SLC44A3: variants seen among roughly 807,000 people sequenced by gnomAD.
SLC44A3 encodes solute carrier family 44 member 3.
Under a neutral mutation model 75.4 loss-of-function variants are expected in SLC44A3, and 74 were observed. The ratio of observed to expected loss-of-function variants is 0.98; its 90% CI spans 0.81 to 1.19. SLC44A3 has a LOEUF of 1.19. Among genes scored for constraint, SLC44A3 ranks in the 50% most tolerant of loss-of-function variants. SLC44A3 has a pLI of 0.00. For missense variants in SLC44A3, 700 were observed against 778.6 expected, an observed-to-expected ratio of 0.90 and a Z score of 1.20; for synonymous variants, 310 against 296.9, an observed-to-expected ratio of 1.04 and a Z score of -0.45.
intron 12 of SLC44A3, among the ~76,000 whole-genome samples, chr1:94,875,641 T>C (rs1309152315): frequency 9.4e-6 from 1 of 106,140 alleles, no homozygotes; most frequent in Non-Finnish European, 2.1e-5. Context: ...GAGGAGGCCA[T>C]GCTCATGGAG....
chr1:94,874,246 G>A (rs1258541641), intron 12 of SLC44A3, among the ~76,000 whole-genome samples: 1 of 152,226 alleles, frequency 6.6e-6, no homozygotes, highest in East Asian at 1.9e-4. Context: ...GAATCCTCAT[G>A]TTTCCTGGTG....
chr1:94,863,031 C>G (rs1389347088), intron 10 of SLC44A3, among the ~76,000 whole-genome samples: 3 of 152,078 alleles, frequency 2.0e-5, no homozygotes, highest in Non-Finnish European at 4.4e-5. Flanking sequence ...GAGTCTGAGA[C>G]TAGGTGGGGG....
At chr1:94,825,890 A>G (rs1439004457) in intron 3 of SLC44A3, 2 of 456,258 alleles carry the variant, frequency 4.4e-6, no homozygotes, top group South Asian at 1.5e-5. Flanking sequence ...ATGTGCTCCC[A>G]TTTCACATTG....
chr1:94,881,721 A>T (rs967013047), intron 12 of SLC44A3, among the ~76,000 whole-genome samples: 2 of 148,142 alleles, frequency 1.4e-5, no homozygotes, highest in African/African-American at 5.0e-5. Flanking sequence ...AAAAAGAACC[A>T]ATATTCTGCC....
chr1:94,867,232 A>G (rs970660115), intron 11 of SLC44A3, 99 bp from the exon 12 acceptor site: 3 of 943,888 alleles, frequency 3.2e-6, no homozygotes, highest in South Asian at 1.9e-5. Flanking sequence ...GTGTTTCCCC[A>G]GGTGCATAAG....
intron 12 of SLC44A3, among the ~76,000 whole-genome samples, chr1:94,884,962 C>T (rs1290064776): frequency 1.3e-5 from 2 of 152,054 alleles, no homozygotes. Context: ...GAGAATAATA[C>T]CGGCCAGGCG....
chr1:94,857,259 G>C (rs1280447906), intron 9 of SLC44A3, 76 bp from the exon 10 acceptor site: 3 of 1,424,180 alleles, frequency 2.1e-6, no homozygotes, highest in African/African-American at 2.9e-5. Flanking sequence ...CAAGCATAAA[G>C]AAACATGGCT....
chr1:94,868,168 T>C (rs1384251326), intron 12 of SLC44A3, among the ~76,000 whole-genome samples: 1 of 152,216 alleles, frequency 6.6e-6, no homozygotes, highest in Non-Finnish European at 1.5e-5. Context: ...TATTTCTCTA[T>C]AGAGCATTTA....
Position 94,850,147 on chromosome 1 carries a change from A to C in SLC44A3, c.1072+4683A>C, listed in dbSNP as rs535162194. On this transcript the variant is annotated intron_variant, in intron 9 of 14. Coordinates refer to ENST00000271227, the MANE Select transcript of SLC44A3 (RefSeq NM_001114106.3). ...GCCCAGATGGGCTATTTTTCTAATG[A>C]CTGTTAATCATTCTTTTGACTAGTT... 2.6e-5 allele frequency among the ~76,000 whole-genome samples: 4 copies of C among 152,134 alleles called. No homozygotes were observed. The East Asian group carries it at 7.7e-4, about 29-fold the overall frequency.
chr1:94,857,470 C>G lies in SLC44A3; in HGVS notation c.1208C>G (p.Ala403Gly), dbSNP rs1168816769. ...CTTGCGTGCCAGCAAATGACTATAG[C>G]TGGGGCAGTGGTTACTTGTTATTTC... ...FILACQQMTI[A>G]GAVVTCYFNR... is the part of the protein sequence containing the mutation. The change falls in exon 10 of 15, where the codon GCT becomes GGT. Residue 403 changes from alanine (A) to glycine (G), a missense_variant. Physicochemically the swap from Ala to Gly is moderately conservative, Grantham distance 60 (BLOSUM62 0). Coordinates refer to ENST00000271227, the MANE Select transcript of SLC44A3 (RefSeq NM_001114106.3). 6.2e-7 allele frequency: 1 copy of G among 1,613,028 alleles called. No individual in the cohort carries two copies. Among genetic ancestry groups the G allele is most frequent in the Admixed American group, 1.7e-5 (1 of 59,714 alleles).
rs142212599 is a variant in SLC44A3, at chr1:94,882,258, C to T, written c.1483-8872C>T. ...GACAGCACTACTATGTGGTCATCCT[C>T]GTGGCTCCAAAAGCTGTGGCCCACT... On this transcript the variant is annotated intron_variant, in intron 12 of 14. Coordinates refer to ENST00000271227, the MANE Select transcript of SLC44A3 (RefSeq NM_001114106.3). Among the ~76,000 whole-genome samples, 39 of 152,286 alleles carry T rather than the reference C, an allele frequency of 2.6e-4. No individual in the cohort carries two copies. The South Asian group carries it at 2.9e-3, about 11-fold the overall frequency.
At chr1:94,840,283 CTTTTTTTTT>C (rs56383271) in intron 7 of SLC44A3, among the ~76,000 whole-genome samples, 1 of 77,360 alleles carries the variant, frequency 1.3e-5, no homozygotes, top group East Asian at 4.5e-4. Flanking sequence ...TTTCTTTTTC[CTTTTTTTTT>C]TTTTTTTTTT....
intron 7 of SLC44A3, 63 bp from the exon 8 acceptor site, chr1:94,841,937 T>C: frequency 6.5e-7 from 1 of 1,528,206 alleles, no homozygotes; most frequent in Non-Finnish European, 8.8e-7. Context: ...TGTGATTCTG[T>C]GTGCTGGGGA....
chr1:94,886,693 C>T (rs1386789276), intron 12 of SLC44A3, among the ~76,000 whole-genome samples: 1 of 152,148 alleles, frequency 6.6e-6, no homozygotes, highest in Non-Finnish European at 1.5e-5. Context: ...GAAGCCCTCA[C>T]AGCCACACAG....
chr1:94,884,842 A>G (rs1669390237), intron 12 of SLC44A3, among the ~76,000 whole-genome samples: 2 of 152,160 alleles, frequency 1.3e-5, no homozygotes, highest in South Asian at 4.1e-4. Context: ...GCTGCAATTA[A>G]CGTTCTTGGA....
chr1:94,853,781 G>C (rs77721210), intron 9 of SLC44A3, among the ~76,000 whole-genome samples: 2,102 of 152,122 alleles, frequency 0.014, 26 homozygotes, highest in Middle Eastern at 0.034. Context: ...TAAAACAGTT[G>C]GGCAGAAGAA....
chr1:94,820,902 G>A, intron 1 of SLC44A3, 47 bp from the exon 2 acceptor site: 1 of 1,508,032 alleles, frequency 6.6e-7, no homozygotes, highest in Non-Finnish European at 9.0e-7. Context: ...TCCAGGTTGA[G>A]TCCACCTGTT....
At position 94,828,592 on chromosome 1, in the gene SLC44A3, AG is replaced by A; in HGVS notation, c.509+7del. 1 of 1,613,370 alleles carries A rather than the reference AG, an allele frequency of 6.2e-7. No homozygotes were observed. The highest frequency in any genetic ancestry group is 8.5e-7 in the Non-Finnish European group (1 of 1,179,554). ...AGGCTACCAGTTCCTCCAAGGTAAAAGCTTCCATACTTTTTCCTTAACTCTA... is the reference window on the plus strand; with the variant it reads ...AGGCTACCAGTTCCTCCAAGGTAAAACTTCCATACTTTTTCCTTAACTCTA... On this transcript the variant is annotated splice_region_variant and intron_variant, in intron 5 of 14. Coordinates refer to ENST00000271227, the MANE Select transcript of SLC44A3 (RefSeq NM_001114106.3).
Position 94,857,332 on chromosome 1 carries a change from T to C in SLC44A3, c.1073-3T>C, listed in dbSNP as rs1665999203. 5.0e-6 allele frequency: 8 copies of C among 1,597,164 alleles called. No homozygotes were observed. The highest frequency in any genetic ancestry group is 2.3e-5 in the East Asian group (1 of 44,386). On this transcript the variant is annotated splice_region_variant and splice_polypyrimidine_tract_variant and intron_variant, in intron 9 of 14. Transcript: ENST00000271227. The stretch of plus-strand genomic sequence containing the variant: ...TAAAGCATGTTTGTGTTTGAAACTT[T>C]AGGAGCTGCCCAGGTTATGGAAGGC...
Sources: gnomAD v4.1 joint callset for allele counts (sites outside exome capture counted in the v4.1 genomes callset) on GRCh38, gnomAD v4.1.1 for gene constraint, MANE v1.5 for transcripts, NCBI Gene and HGNC (gene_info 2026-07-23, HGNC 2026-07-21) for gene names.